The following EPHA6 variants were observed in gnomAD, a reference collection of about 807,000 sequenced individuals.
EPHA6 encodes the protein EPH receptor A6.
EPHA6 carries 50 observed loss-of-function variants against 112.0 expected under a neutral mutation model. That is an observed-to-expected ratio of 0.45 (90% CI 0.36 to 0.56). The LOEUF is 0.56. Ranked by LOEUF, EPHA6 falls within the 20% of genes least tolerant of loss-of-function variation. The pLI is 0.00. For missense variants in EPHA6, 1,280 were observed against 1,417.4 expected (o/e 0.90, Z 1.56); for synonymous variants, 529 against 490.7 (o/e 1.08, Z -1.03).
At chr3:96,825,960 C>T (rs1050223492) in intron 1 of EPHA6, among the ~76,000 whole-genome samples, 5 of 151,758 alleles carry the variant, frequency 3.3e-5, no homozygotes, top group Non-Finnish European at 7.4e-5. Flanking sequence ...TAGAGGTCTA[C>T]TGATAACGCT....
intron 3 of EPHA6, among the ~76,000 whole-genome samples, chr3:97,046,597 T>C (rs1275519617): frequency 1.3e-5 from 2 of 152,140 alleles, no homozygotes; most frequent in Non-Finnish European, 2.9e-5. Context: ...TTTAGAGATA[T>C]TATTATCTGT....
chr3:97,519,446 A>G (rs887030018), intron 10 of EPHA6, among the ~76,000 whole-genome samples: 3 of 152,180 alleles, frequency 2.0e-5, no homozygotes, highest in East Asian at 3.8e-4. Flanking sequence ...TCTTTTGCTC[A>G]GGATTGCTTT....
intron 14 of EPHA6, among the ~76,000 whole-genome samples, chr3:97,642,086 G>T (rs1170375234): frequency 7.0e-6 from 1 of 143,838 alleles, no homozygotes; most frequent in Non-Finnish European, 1.5e-5. Context: ...CACGCAGCTG[G>T]AGATCTGAGA....
chr3:97,599,894 C>A (rs2093628768), intron 12 of EPHA6, among the ~76,000 whole-genome samples: 1 of 152,168 alleles, frequency 6.6e-6, no homozygotes, highest in Non-Finnish European at 1.5e-5. Flanking sequence ...TCTTCCTACC[C>A]ATGAGCATGG....
intron 3 of EPHA6, among the ~76,000 whole-genome samples, chr3:97,176,280 A>G (rs191753527): frequency 2.6e-5 from 4 of 151,858 alleles, no homozygotes; most frequent in Non-Finnish European, 5.9e-5. Context: ...TTTCTAATAT[A>G]TTGTTGAATT....
At chr3:96,931,013 A>AG (rs2040292514) in intron 2 of EPHA6, among the ~76,000 whole-genome samples, 1 of 147,644 alleles carries the variant, frequency 6.8e-6, no homozygotes, top group East Asian at 2.0e-4. Flanking sequence ...AAAAAAAAAA[A>AG]AAAAAAAAGA....
At chr3:97,252,615 C>CA (rs2108600523) in intron 5 of EPHA6, among the ~76,000 whole-genome samples, 1 of 152,152 alleles carries the variant, frequency 6.6e-6, no homozygotes, top group Admixed American at 6.5e-5. Context: ...AGTCACAGGG[C>CA]AGGGATAGGG....
chr3:97,345,588 G>T (rs563737968), intron 5 of EPHA6, among the ~76,000 whole-genome samples: 1 of 152,222 alleles, frequency 6.6e-6, no homozygotes, highest in Non-Finnish European at 1.5e-5. Context: ...ATTACTGGTG[G>T]TTGACAAGAT....
At chr3:97,295,082 G>A (rs1475802196) in intron 5 of EPHA6, among the ~76,000 whole-genome samples, 1 of 151,946 alleles carries the variant, frequency 6.6e-6, no homozygotes, top group Non-Finnish European at 1.5e-5. Context: ...TAGCTATTTG[G>A]GGATCTCTGA....
At chr3:97,145,018 G>C (rs2076004116) in intron 3 of EPHA6, among the ~76,000 whole-genome samples, 1 of 151,244 alleles carries the variant, frequency 6.6e-6, no homozygotes, top group South Asian at 2.1e-4. Flanking sequence ...TCTCCTCAAA[G>C]CTTCTTGAGC....
chr3:97,437,640 A>C (rs1458281520), intron 6 of EPHA6, among the ~76,000 whole-genome samples: 1 of 152,016 alleles, frequency 6.6e-6, no homozygotes, highest in East Asian at 1.9e-4. Flanking sequence ...AGAATGCATA[A>C]ACTAAATGTA....
Position 97,085,948 on chromosome 3 carries a change from T to TATATATATATATATATATAC in EPHA6, c.1114+97956_1114+97957insTATATATATATATATATACA, listed in dbSNP as rs984404779. On this transcript the variant is annotated intron_variant, in intron 3 of 17. Coordinates refer to ENST00000389672, the MANE Select transcript of EPHA6 (RefSeq NM_001080448.3). ...GATGTCATATATATATATATATATATACACACTGAGATGGAGTCTCTTGTC... is the reference window on the plus strand; with the variant it reads ...GATGTCATATATATATATATATATATATATATATATATATATATACACACACTGAGATGGAGTCTCTTGTC... Among the ~76,000 whole-genome samples, 119 of 145,148 alleles carry TATATATATATATATATATAC rather than the reference T, an allele frequency of 8.2e-4. 2 individuals are homozygous for TATATATATATATATATATAC. Among genetic ancestry groups the TATATATATATATATATATAC allele is most frequent in the African/African-American group, 2.9e-3 (107 of 36,312 alleles).
intron 3 of EPHA6, among the ~76,000 whole-genome samples, chr3:97,175,517 C>T (rs1372385871): frequency 1.3e-5 from 2 of 151,810 alleles, no homozygotes; most frequent in African/African-American, 2.4e-5. Flanking sequence ...ATTCTTCTAA[C>T]CCATGAACAT....
At chr3:96,913,746 G>T (rs536307135) in intron 2 of EPHA6, among the ~76,000 whole-genome samples, 1 of 152,068 alleles carries the variant, frequency 6.6e-6, no homozygotes, top group South Asian at 2.1e-4. Context: ...GTAATCTATA[G>T]GGATCTAAGC....
At chr3:97,359,868 C>T (rs894144966) in intron 5 of EPHA6, among the ~76,000 whole-genome samples, 4 of 152,128 alleles carry the variant, frequency 2.6e-5, no homozygotes, top group Admixed American at 2.0e-4. Context: ...GTGCCTTTCT[C>T]TAAGCATGTG....
At chr3:97,447,316 A>G (rs1222801251) in intron 6 of EPHA6, among the ~76,000 whole-genome samples, 1 of 152,164 alleles carries the variant, frequency 6.6e-6, no homozygotes, top group East Asian at 1.9e-4. Context: ...GGTCTCCTAA[A>G]TAACAGTGGT....
chr3:96,831,835 C>T (rs1426392773), intron 1 of EPHA6, among the ~76,000 whole-genome samples: 1 of 151,966 alleles, frequency 6.6e-6, no homozygotes, highest in African/African-American at 2.4e-5. Flanking sequence ...TCTTAGAAAA[C>T]AACTTTAGAA....
chr3:97,594,184 T>C (rs1319752644), intron 12 of EPHA6, among the ~76,000 whole-genome samples: 2 of 152,200 alleles, frequency 1.3e-5, no homozygotes, highest in Non-Finnish European at 2.9e-5. Flanking sequence ...TTGGCAGAAA[T>C]AACATTATGA....
intron 2 of EPHA6, among the ~76,000 whole-genome samples, chr3:96,982,423 T>C (rs2042832375): frequency 6.6e-6 from 1 of 152,146 alleles, no homozygotes; most frequent in Non-Finnish European, 1.5e-5. Flanking sequence ...TGAGAGACAG[T>C]TTGTTATAAT....
Sources: allele counts gnomAD v4.1 joint callset (sites outside exome capture counted in the v4.1 genomes callset), GRCh38; gene constraint gnomAD v4.1.1; transcripts MANE v1.5; gene names NCBI Gene and HGNC (gene_info 2026-07-23, HGNC 2026-07-21).